Variants in TMTC2 observed in about 807,000 individuals in gnomAD.
The protein encoded by TMTC2 is protein O-mannosyl-transferase TMTC2.
A neutral mutation model predicts 82.4 loss-of-function variants in TMTC2; 43 were observed. The ratio of observed to expected loss-of-function variants is 0.52; its 90% CI spans 0.41 to 0.67. The LOEUF (loss-of-function observed/expected upper bound fraction) is 0.67, where lower values mean the gene tolerates loss of function less well. TMTC2 is among the 30% of genes least tolerant of loss of function. TMTC2 has a pLI of 0.00. For missense variants in TMTC2, 919 were observed against 1,012.4 expected, an observed-to-expected ratio of 0.91 and a Z score of 1.25; for synonymous variants, 408 against 381.9, an observed-to-expected ratio of 1.07 and a Z score of -0.80.
chr12:83,024,011 T>A (rs958399566), intron 8 of TMTC2, among the ~76,000 whole-genome samples: 2 of 152,198 alleles, frequency 1.3e-5, no homozygotes, highest in Non-Finnish European at 2.9e-5. Context: ...TTTCTATTTA[T>A]GATGTTGTAA....
In TMTC2 at chr12:83,045,721, ACACACG is replaced by A. The variant is rs1388691817; in HGVS notation, c.2153-5177_2153-5172del. On this transcript the variant is annotated intron_variant, in intron 9 of 11. Coordinates refer to ENST00000321196, the MANE Select transcript of TMTC2 (RefSeq NM_152588.3). ...AAAGGGCTCCTTCACACACACACAC[ACACACG>A]CACACACACACACACACACACACAC... Among the ~76,000 whole-genome samples, 90 of 125,448 alleles carry A rather than the reference ACACACG, an allele frequency of 7.2e-4. 1 individual carries two copies. The highest frequency in any genetic ancestry group is 4.1e-3 in the Middle Eastern group (1 of 242). 82.3% of individuals were successfully genotyped at this position (125,448 alleles called of 152,430 possible). A position where few individuals can be genotyped will look rare whatever the true frequency, so the allele number is the denominator to read the frequency against.
intron 8 of TMTC2, among the ~76,000 whole-genome samples, chr12:83,009,541 T>C (rs1470177444): frequency 6.6e-6 from 1 of 152,114 alleles, no homozygotes. Flanking sequence ...CTCAGTTCTC[T>C]GATAGATCTC....
At chr12:82,952,974 A>C (rs1303668408) in intron 4 of TMTC2, among the ~76,000 whole-genome samples, 1 of 152,192 alleles carries the variant, frequency 6.6e-6, no homozygotes, top group Non-Finnish European at 1.5e-5. Flanking sequence ...ACAGTAGCTT[A>C]AACCAGTTAC....
intron 1 of TMTC2, among the ~76,000 whole-genome samples, chr12:82,717,532 G>A (rs1461694121): frequency 1.3e-5 from 2 of 151,962 alleles, no homozygotes; most frequent in African/African-American, 2.4e-5. Context: ...CACCCAGCCC[G>A]GCAAAAGGTA....
chr12:83,120,489 T>C (rs1026235553), intron 11 of TMTC2, among the ~76,000 whole-genome samples: 1 of 152,242 alleles, frequency 6.6e-6, no homozygotes, highest in Non-Finnish European at 1.5e-5. Flanking sequence ...CCCCAAGCCC[T>C]TCTAGCTTGT....
At chr12:83,061,888 A>G in intron 11 of TMTC2, 57 bp downstream of exon 11, 2 of 1,280,072 alleles carry the variant, frequency 1.6e-6, no homozygotes, top group Non-Finnish European at 2.1e-6. Flanking sequence ...AGCATATGAT[A>G]GGTGTAAGAA....
In TMTC2 at chr12:82,896,195, T is replaced by C. The variant is rs746676991; in HGVS notation, c.1032T>C (p.Asn344=). ...AATGCAATGGGAAAACTGTAACAAA[T>C]GGCAAGCAGAATGCAAATGGACATA... ...DRECNGKTVT[N]GKQNANGHSC... The change falls in exon 3 of 12, where the codon AAT becomes AAC. Residue 344 remains asparagine, a synonymous_variant. Transcript: ENST00000321196. The C allele has an allele frequency of 1.9e-6, 3 of 1,613,774 alleles. No homozygotes were observed. The African/African-American group carries it at 4.0e-5, about 22-fold the overall frequency.
At chr12:82,742,373 G>C (rs1480898951) in intron 1 of TMTC2, among the ~76,000 whole-genome samples, 3 of 141,332 alleles carry the variant, frequency 2.1e-5, no homozygotes, top group Non-Finnish European at 4.7e-5. Flanking sequence ...AAAAAAAAAT[G>C]CCGTGTTGTC....
chr12:83,063,979 TTGAAG>T, intron 11 of TMTC2, among the ~76,000 whole-genome samples: 1 of 150,996 alleles, frequency 6.6e-6, no homozygotes, highest in South Asian at 2.1e-4. Flanking sequence ...AGGGTTGAAT[TTGAAG>T]TCTTATTATT....
At chr12:82,965,390 T>C (rs981635949) in intron 5 of TMTC2, among the ~76,000 whole-genome samples, 170 bp from the exon 6 acceptor site, 1 of 152,192 alleles carries the variant, frequency 6.6e-6, no homozygotes, top group African/African-American at 2.4e-5. Flanking sequence ...TCTGCAGTGA[T>C]ATTTGCAGTT....
At chr12:82,836,160 A>G (rs1159972045) in intron 1 of TMTC2, among the ~76,000 whole-genome samples, 1 of 148,930 alleles carries the variant, frequency 6.7e-6, no homozygotes, top group East Asian at 1.9e-4. Context: ...GTATGCTTGT[A>G]TATGTTAGTC....
intron 7 of TMTC2, among the ~76,000 whole-genome samples, chr12:82,980,304 A>G (rs1435968583): frequency 1.3e-5 from 2 of 151,856 alleles, no homozygotes; most frequent in African/African-American, 4.8e-5. Flanking sequence ...TGCTCATTAA[A>G]AGAAAAATGA....
At chr12:82,728,771 G>T (rs1874596612) in intron 1 of TMTC2, among the ~76,000 whole-genome samples, 1 of 152,212 alleles carries the variant, frequency 6.6e-6, no homozygotes, top group South Asian at 2.1e-4. Flanking sequence ...AGGTGTGGAG[G>T]CAGAGGCGTG....
chr12:82,760,742 TC>T, intron 1 of TMTC2: 1 of 239,276 alleles, frequency 4.2e-6, no homozygotes, highest in Non-Finnish European at 8.9e-6. Flanking sequence ...TCCTGTGAGA[TC>T]AGTGGTGGCA....
chr12:82,741,886 G>T (rs1353389030), intron 1 of TMTC2, among the ~76,000 whole-genome samples: 2 of 152,118 alleles, frequency 1.3e-5, no homozygotes, highest in Admixed American at 6.6e-5. Flanking sequence ...TCCTGTGGCT[G>T]GTATTACTGG....
intron 2 of TMTC2, among the ~76,000 whole-genome samples, chr12:82,888,174 C>T (rs1420899779): frequency 6.6e-6 from 1 of 152,192 alleles, no homozygotes; most frequent in East Asian, 1.9e-4. Context: ...TGAATTAAAA[C>T]ATGAAGAAAC....
chr12:82,730,192 G>A (rs540672108), intron 1 of TMTC2, among the ~76,000 whole-genome samples: 2 of 151,486 alleles, frequency 1.3e-5, no homozygotes, highest in African/African-American at 2.4e-5. Context: ...CTATTCAGGA[G>A]GCTGAGGCAG....
intron 9 of TMTC2, among the ~76,000 whole-genome samples, chr12:83,037,952 A>G (rs1253790208): frequency 1.3e-5 from 2 of 152,050 alleles, no homozygotes; most frequent in Non-Finnish European, 2.9e-5. Flanking sequence ...AGGAAAATAG[A>G]ATATAAAGAA....
intron 1 of TMTC2, among the ~76,000 whole-genome samples, chr12:82,796,517 A>G (rs1878724260): frequency 6.6e-6 from 1 of 152,128 alleles, no homozygotes; most frequent in Non-Finnish European, 1.5e-5. Flanking sequence ...ATTTTGGTGA[A>G]AATAATAAAA....
Sources: gnomAD v4.1 joint callset for allele counts (sites outside exome capture counted in the v4.1 genomes callset) on GRCh38, gnomAD v4.1.1 for gene constraint, MANE v1.5 for transcripts, NCBI Gene and HGNC (gene_info 2026-07-23, HGNC 2026-07-21) for gene names.